Variants in NKAIN2 observed in about 807,000 individuals in gnomAD.
NKAIN2 encodes the protein sodium/potassium transporting ATPase interacting 2.
Under a neutral mutation model 32.6 loss-of-function variants are expected in NKAIN2, and 14 were observed. That is an observed-to-expected ratio of 0.43 (90% CI 0.28 to 0.67). The LOEUF is 0.67. Among genes scored for constraint, NKAIN2 ranks in the 30% least tolerant of loss-of-function variants. NKAIN2 has a pLI of 0.17. For missense variants in NKAIN2, 198 were observed against 258.3 expected (o/e 0.77, Z 1.60); for synonymous variants, 80 against 87.2 (o/e 0.92, Z 0.46).
chr6:124,512,019 T>G (rs1180488892), intron 3 of NKAIN2, among the ~76,000 whole-genome samples: 1 of 152,196 alleles, frequency 6.6e-6, no homozygotes, highest in Non-Finnish European at 1.5e-5. Flanking sequence ...TCCTTTTGCT[T>G]CCCTCACTGA....
At chr6:124,170,177 C>T (rs940998907) in intron 1 of NKAIN2, among the ~76,000 whole-genome samples, 1 of 152,122 alleles carries the variant, frequency 6.6e-6, no homozygotes, top group African/African-American at 2.4e-5. Flanking sequence ...CCTTTCCCTG[C>T]ATTATTGTCT....
chr6:123,863,493 G>T, intron 1 of NKAIN2, among the ~76,000 whole-genome samples: 1 of 152,184 alleles, frequency 6.6e-6, no homozygotes, highest in East Asian at 1.9e-4. Flanking sequence ...GGATGAAATA[G>T]TCTTCTCAGC....
intron 3 of NKAIN2, among the ~76,000 whole-genome samples, chr6:124,413,714 C>A (rs9482552): frequency 0.066 from 10,062 of 152,114 alleles, 991 homozygotes; most frequent in African/African-American, 0.21. Flanking sequence ...TTGTCATCTT[C>A]AATTTTTCTC....
intron 3 of NKAIN2, among the ~76,000 whole-genome samples, chr6:124,620,439 G>A (rs566226254): frequency 6.6e-6 from 1 of 152,228 alleles, no homozygotes; most frequent in East Asian, 1.9e-4. Flanking sequence ...GCTATTCAAT[G>A]GCAAGGACTT....
At chr6:124,576,563 C>T (rs11961800) in intron 3 of NKAIN2, among the ~76,000 whole-genome samples, 6,231 of 152,124 alleles carry the variant, frequency 0.041, 159 homozygotes, top group Non-Finnish European at 0.06. Context: ...AGTGGGGCAG[C>T]GTGTTAACAT....
At chr6:124,136,290 T>C (rs1447002378) in intron 1 of NKAIN2, among the ~76,000 whole-genome samples, 1 of 152,060 alleles carries the variant, frequency 6.6e-6, no homozygotes, top group Admixed American at 6.5e-5. Flanking sequence ...CCTGGAAATA[T>C]ACAACCCTCC....
chr6:124,136,794 C>T (rs548132523), intron 1 of NKAIN2, among the ~76,000 whole-genome samples: 1 of 152,184 alleles, frequency 6.6e-6, no homozygotes, highest in Admixed American at 6.5e-5. Flanking sequence ...AAGTATTTGA[C>T]AAAATCCAGC....
At chr6:123,948,275 A>G (rs991620755) in intron 1 of NKAIN2, among the ~76,000 whole-genome samples, 3 of 152,010 alleles carry the variant, frequency 2.0e-5, no homozygotes, top group Admixed American at 1.3e-4. Context: ...TTTCCATTGG[A>G]TAAAAATGAA....
chr6:124,463,192 C>T (rs1054470323), intron 3 of NKAIN2, among the ~76,000 whole-genome samples: 2 of 151,746 alleles, frequency 1.3e-5, no homozygotes, highest in African/African-American at 4.8e-5. Context: ...TTTATTTACC[C>T]AACAACCTAA....
At chr6:124,400,330 A>G (rs13193449) in intron 3 of NKAIN2, among the ~76,000 whole-genome samples, 54 of 152,300 alleles carry the variant, frequency 3.5e-4, no homozygotes, top group Non-Finnish European at 4.9e-4. Context: ...AAGTGTCAGC[A>G]CTTCAGTGCT....
At chr6:124,744,338 A>G (rs1358044169) in intron 4 of NKAIN2, among the ~76,000 whole-genome samples, 2 of 151,898 alleles carry the variant, frequency 1.3e-5, no homozygotes, top group East Asian at 1.9e-4. Flanking sequence ...GATTTAGTTT[A>G]TAAGACCATC....
At chr6:124,676,974 T>C (rs1773389692) in intron 4 of NKAIN2, among the ~76,000 whole-genome samples, 1 of 152,084 alleles carries the variant, frequency 6.6e-6, no homozygotes, top group South Asian at 2.1e-4. Flanking sequence ...TCGTTGTTGT[T>C]GTTTTGGGGT....
At chr6:123,828,149 C>G (rs560389348) in intron 1 of NKAIN2, among the ~76,000 whole-genome samples, 1 of 152,204 alleles carries the variant, frequency 6.6e-6, no homozygotes, top group South Asian at 2.1e-4. Context: ...CTCCATCCTT[C>G]CTCTGCACTC....
intron 1 of NKAIN2, among the ~76,000 whole-genome samples, chr6:124,019,148 C>T (rs1421760351): frequency 6.6e-6 from 1 of 152,132 alleles, no homozygotes; most frequent in Non-Finnish European, 1.5e-5. Flanking sequence ...GACCCACCCA[C>T]ATGATTCAAT....
intron 5 of NKAIN2, among the ~76,000 whole-genome samples, chr6:124,808,112 G>A (rs913187522): frequency 2.6e-5 from 4 of 151,810 alleles, no homozygotes; most frequent in African/African-American, 4.8e-5. Context: ...GAAAAAGAGG[G>A]AATCCTCCCT....
chr6:124,462,188 G>A (rs1308948586), intron 3 of NKAIN2, among the ~76,000 whole-genome samples: 1 of 151,802 alleles, frequency 6.6e-6, no homozygotes, highest in Non-Finnish European at 1.5e-5. Context: ...AAGGAATGGA[G>A]AGAATTGTTA....
At chr6:123,957,435 C>T (rs1185762984) in intron 1 of NKAIN2, among the ~76,000 whole-genome samples, 2 of 152,022 alleles carry the variant, frequency 1.3e-5, no homozygotes, top group East Asian at 1.9e-4. Context: ...AAAATATATT[C>T]GTTGAATACA....
rs76219981 is a variant in NKAIN2, at chr6:124,489,382, A to T, written c.273+134035A>T. On this transcript the variant is annotated intron_variant, in intron 3 of 6. Coordinates refer to ENST00000368417, the MANE Select transcript of NKAIN2 (RefSeq NM_001040214.3). ...CCTTCAAGATCTGGTTTCCTAATTC[A>T]TCACTGTTGCCTTCCTTGTCTAATT... Among the ~76,000 whole-genome samples, 19 of 152,036 alleles carry T rather than the reference A, an allele frequency of 1.2e-4. No homozygotes were observed. The East Asian group carries it at 2.7e-3, about 22-fold the overall frequency.
intron 4 of NKAIN2, among the ~76,000 whole-genome samples, chr6:124,675,811 AT>A (rs984121455): frequency 6.7e-6 from 1 of 150,002 alleles, no homozygotes; most frequent in Admixed American, 6.6e-5. Context: ...TTTTTTTAAT[AT>A]TTTTTTCCAT....
Sources: allele counts gnomAD v4.1 joint callset (sites outside exome capture counted in the v4.1 genomes callset), GRCh38; gene constraint gnomAD v4.1.1; transcripts MANE v1.5; gene names NCBI Gene and HGNC (gene_info 2026-07-23, HGNC 2026-07-21).